The following TEKT1 variants were observed in gnomAD, a reference collection of about 807,000 sequenced individuals.
TEKT1 encodes tektin-1.
TEKT1 carries 32 observed loss-of-function variants against 34.8 expected under a neutral mutation model. The observed-to-expected ratio is 0.92, with a 90% confidence interval of 0.69 to 1.23. The LOEUF is 1.23. Ranked by LOEUF, TEKT1 falls within the 50% of genes most tolerant of loss-of-function variation. The pLI is 0.00. For missense variants in TEKT1, 492 were observed against 518.5 expected (o/e 0.95, Z 0.50); for synonymous variants, 207 against 199.8 (o/e 1.04, Z -0.30).
In TEKT1 at chr17:6,805,815, C is replaced by A. The variant is rs8082490; in HGVS notation, c.853-4872G>T. Among the ~76,000 whole-genome samples the A allele has an allele frequency of 4.5e-3, 684 of 152,310 alleles. 10 individuals are homozygous for A. The highest frequency in any genetic ancestry group is 0.015 in the African/African-American group (635 of 41,556). On this transcript the variant is annotated intron_variant, in intron 6 of 7. Transcript: ENST00000338694. The stretch of plus-strand genomic sequence containing the variant: ...TTAATCCTGAGTTCTAGTTTGATTG[C>A]ACTGTGGTCTGAGAGACAGTTTGTT...
At chr17:6,812,625 G>T (rs1976943848) in intron 6 of TEKT1, among the ~76,000 whole-genome samples, 1 of 152,186 alleles carries the variant, frequency 6.6e-6, no homozygotes, top group Non-Finnish European at 1.5e-5. Flanking sequence ...GACAATGGAG[G>T]CCCAGAGTGG....
At chr17:6,822,591 C>T (rs1977108313) in intron 2 of TEKT1, among the ~76,000 whole-genome samples, 1 of 152,064 alleles carries the variant, frequency 6.6e-6, no homozygotes, top group Admixed American at 6.6e-5. Context: ...TAAGATTTTT[C>T]TGCTCTTATA....
chr17:6,812,084 A>G (rs1244705450), intron 6 of TEKT1, among the ~76,000 whole-genome samples: 1 of 152,024 alleles, frequency 6.6e-6, no homozygotes, highest in Non-Finnish European at 1.5e-5. Flanking sequence ...TGCTGTTCTC[A>G]TGATAGTGAG....
chr17:6,823,407 T>C, intron 2 of TEKT1, among the ~76,000 whole-genome samples: 1 of 152,188 alleles, frequency 6.6e-6, no homozygotes. Context: ...TTGTCTACTG[T>C]TGCTTCCTCT....
In TEKT1 at chr17:6,812,983, T is replaced by C. The variant is rs974240265; in HGVS notation, c.700A>G (p.Asn234Asp). 1 of 1,614,240 alleles carries C rather than the reference T, an allele frequency of 6.2e-7. No individual in the cohort carries two copies. The highest frequency in any genetic ancestry group is 8.5e-7 in the Non-Finnish European group (1 of 1,180,034). The change falls in exon 6 of 8, where the codon AAC (asparagine) becomes GAC (aspartate). Residue 234 changes from asparagine (N) to aspartate (D), a missense_variant. Transcript: ENST00000338694. ...NVEKADKQRN[N>D]SLMLKALVDR... ...ACCAGGGCTTTCAGCATCAGGGAGT[T>C]GTTCCGCTGCTTGTCAGCCTTCTCC... is the stretch of plus-strand genomic sequence containing the variant.
At chr17:6,810,421 G>T (rs1037034290) in intron 6 of TEKT1, among the ~76,000 whole-genome samples, 2 of 152,144 alleles carry the variant, frequency 1.3e-5, no homozygotes, top group African/African-American at 4.8e-5. Flanking sequence ...TGTGTGGTTT[G>T]TCTTTTCATT....
Position 6,813,587 on chromosome 17 carries a change from CACACAT to C in TEKT1, c.630-540_630-535del, listed in dbSNP as rs202143123. Among the ~76,000 whole-genome samples the C allele has an allele frequency of 3.3e-4, 50 of 149,678 alleles. No homozygotes were observed. The East Asian group carries it at 8.2e-3, about 24-fold the overall frequency. On this transcript the variant is annotated intron_variant, in intron 5 of 7. Transcript: ENST00000338694. ...ACACACACACACACACACACACACA[CACACAT>C]ATCTAGTATATAATGCTGTTTAATG...
intron 7 of TEKT1, 67 bp downstream of exon 7, chr17:6,800,680 G>T: frequency 6.5e-7 from 1 of 1,531,872 alleles, no homozygotes; most frequent in Non-Finnish European, 8.9e-7. Context: ...TCACTATCTA[G>T]CCTCTGCTTG....
chr17:6,815,791 A>G, intron 4 of TEKT1, 43 bp downstream of exon 4: 1 of 1,610,130 alleles, frequency 6.2e-7, no homozygotes, highest in Non-Finnish European at 8.5e-7. Flanking sequence ...CCTTTTCTCA[A>G]AATTCCCAGT....
In TEKT1 at chr17:6,830,280, G is replaced by A. The variant is rs143066578; in HGVS notation, c.97C>T (p.Arg33Ter). 10 of 1,613,284 alleles carry A rather than the reference G, an allele frequency of 6.2e-6. No homozygotes were observed. The highest frequency in any genetic ancestry group is 4.5e-5 in the East Asian group (2 of 44,876). The change falls in exon 2 of 8, where the codon CGA becomes TGA. Residue 33 changes from arginine (R) to a stop codon, truncating the protein, a stop_gained. Coordinates refer to ENST00000338694, the MANE Select transcript of TEKT1 (RefSeq NM_053285.2). LOFTEE classifies it high-confidence loss of function. The stretch of plus-strand genomic sequence containing the variant: ...CTTTCTGCGACCAGGCGTTCTGATC[G>A]GGACCTTTGAGCGTCTGCTCTGTGG... The part of the protein sequence containing the change: ...QYHRADAQRS[R>*]SERLVAESQR...
intron 2 of TEKT1, among the ~76,000 whole-genome samples, chr17:6,824,199 T>G (rs1177673278): frequency 6.6e-6 from 1 of 152,160 alleles, no homozygotes; most frequent in African/African-American, 2.4e-5. Context: ...CCTCAGCTCT[T>G]CTCTTGGTCC....
chr17:6,807,881 G>C (rs985846911), intron 6 of TEKT1, among the ~76,000 whole-genome samples: 3 of 152,174 alleles, frequency 2.0e-5, no homozygotes, highest in Non-Finnish European at 4.4e-5. Context: ...TGCCCCTACT[G>C]GGGGGTGCCT....
chr17:6,806,833 A>G (rs1223431611), intron 6 of TEKT1, among the ~76,000 whole-genome samples: 1 of 152,180 alleles, frequency 6.6e-6, no homozygotes, highest in African/African-American at 2.4e-5. Flanking sequence ...CTGCTGAGAG[A>G]TCAGCTGTTA....
rs76600714 is a variant in TEKT1, at chr17:6,805,761, A to G, written c.853-4818T>C. Among the ~76,000 whole-genome samples, 14 of 152,224 alleles carry G rather than the reference A, an allele frequency of 9.2e-5. No individual in the cohort carries two copies. The South Asian group carries it at 1.9e-3, about 20-fold the overall frequency. Reference sequence around the variant, plus strand: ...TTCAGGAGCAGGTTGTTCAGTTTCCATGTAGTTGAGTGGTTTTGAGTGAGT... The same window carrying G: ...TTCAGGAGCAGGTTGTTCAGTTTCCGTGTAGTTGAGTGGTTTTGAGTGAGT... On this transcript the variant is annotated intron_variant, in intron 6 of 7. Transcript: ENST00000338694.
At chr17:6,800,665 G>A in intron 7 of TEKT1, 82 bp downstream of exon 7, 1 of 1,481,464 alleles carries the variant, frequency 6.8e-7, no homozygotes, top group South Asian at 1.3e-5. Context: ...CATTCACGCT[G>A]CTGGTCACTA....
At chr17:6,809,547 G>C (rs1976897994) in intron 6 of TEKT1, among the ~76,000 whole-genome samples, 1 of 152,092 alleles carries the variant, frequency 6.6e-6, no homozygotes, top group Admixed American at 6.6e-5. Context: ...TATGGGTTTT[G>C]ACAGATGTAT....
At chr17:6,803,892 G>A (rs1274894783) in intron 6 of TEKT1, among the ~76,000 whole-genome samples, 10 of 152,198 alleles carry the variant, frequency 6.6e-5, no homozygotes, top group African/African-American at 1.9e-4. Context: ...GTCAGGTAGC[G>A]TGATGCCTCC....
intron 6 of TEKT1, among the ~76,000 whole-genome samples, chr17:6,810,762 G>A (rs1233282954): frequency 6.6e-6 from 1 of 151,988 alleles, no homozygotes; most frequent in Non-Finnish European, 1.5e-5. Context: ...TTTTGAGATG[G>A]AGTTTCGCTC....
chr17:6,810,621 T>C (rs908969160), intron 6 of TEKT1, among the ~76,000 whole-genome samples: 2 of 152,262 alleles, frequency 1.3e-5, no homozygotes, highest in Non-Finnish European at 2.9e-5. Context: ...ACACACTGTA[T>C]GTGATGTTCT....
Sources: gnomAD v4.1 joint callset for allele counts (sites outside exome capture counted in the v4.1 genomes callset) on GRCh38, gnomAD v4.1.1 for gene constraint, MANE v1.5 for transcripts, NCBI Gene and HGNC (gene_info 2026-07-23, HGNC 2026-07-21) for gene names.